CEP128: variants seen among roughly 807,000 people sequenced by gnomAD.
The protein encoded by CEP128 is centrosomal protein 128, also known as centrosomal protein 128kDa.
A neutral mutation model predicts 156.7 loss-of-function variants in CEP128; 132 were observed. That is an observed-to-expected ratio of 0.84 (90% CI 0.73 to 0.97). CEP128 has a LOEUF of 0.97. Ranked by LOEUF, CEP128 falls within the 50% of genes least tolerant of loss-of-function variation. The probability of loss-of-function intolerance (pLI) is 0.00; values close to 1 mark genes in which losing one functional copy is unlikely to be tolerated. For synonymous variants in CEP128, 469 were observed against 448.9 expected, an observed-to-expected ratio of 1.04 and a Z score of -0.57; for missense variants, 1,252 against 1,281.9, an observed-to-expected ratio of 0.98 and a Z score of 0.36.
At chr14:80,778,759 G>A (rs1445316061) in intron 15 of CEP128, among the ~76,000 whole-genome samples, 1 of 151,994 alleles carries the variant, frequency 6.6e-6, no homozygotes, top group Non-Finnish European at 1.5e-5. Context: ...ATTCTATATA[G>A]GAAATTCAGT....
intron 11 of CEP128, among the ~76,000 whole-genome samples, chr14:80,837,527 C>A (rs770092302): frequency 5.9e-5 from 9 of 152,084 alleles, no homozygotes; most frequent in Non-Finnish European, 1.3e-4. Context: ...AACATCCTGG[C>A]CAACATGGTG....
intron 23 of CEP128, among the ~76,000 whole-genome samples, chr14:80,518,300 G>A (rs542467396): frequency 7.9e-5 from 12 of 151,732 alleles, no homozygotes; most frequent in East Asian, 7.8e-4. Flanking sequence ...GTATTTAAAG[G>A]TGGATGCAGT....
intron 9 of CEP128, among the ~76,000 whole-genome samples, chr14:80,859,826 G>A (rs1231815605): frequency 6.6e-6 from 1 of 152,162 alleles, no homozygotes; most frequent in Non-Finnish European, 1.5e-5. Context: ...AAGGACCCGT[G>A]AGATAACAGC....
intron 19 of CEP128, among the ~76,000 whole-genome samples, chr14:80,609,278 T>C (rs951260131): frequency 1.2e-4 from 19 of 152,156 alleles, no homozygotes; most frequent in Non-Finnish European, 7.4e-5. Flanking sequence ...ATTTTTTTTT[T>C]CCAAAAAGTA....
chr14:80,632,987 G>A (rs1239404969), intron 19 of CEP128, among the ~76,000 whole-genome samples: 1 of 152,130 alleles, frequency 6.6e-6, no homozygotes, highest in African/African-American at 2.4e-5. Flanking sequence ...AGTACTTCGG[G>A]AGGCTGGGGT....
At chr14:80,604,967 C>T (rs1892721162) in intron 19 of CEP128, among the ~76,000 whole-genome samples, 1 of 152,000 alleles carries the variant, frequency 6.6e-6, no homozygotes, top group Non-Finnish European at 1.5e-5. Flanking sequence ...CAGTAATACT[C>T]AAGTTTCTGG....
chr14:80,674,423 ACT>A (rs1895981792), intron 19 of CEP128, among the ~76,000 whole-genome samples: 1 of 152,112 alleles, frequency 6.6e-6, no homozygotes, highest in Non-Finnish European at 1.5e-5. Flanking sequence ...CAGTGTTCAA[ACT>A]CTGTGACATA....
At chr14:80,743,030 C>A (rs780902867) in intron 19 of CEP128, 45 bp downstream of exon 19, 10 of 1,565,976 alleles carry the variant, frequency 6.4e-6, no homozygotes, top group Non-Finnish European at 8.8e-6. Flanking sequence ...GATTAGGATT[C>A]CATAAATATA....
chr14:80,789,826 T>A (rs1172417213), intron 14 of CEP128, among the ~76,000 whole-genome samples: 1 of 151,996 alleles, frequency 6.6e-6, no homozygotes, highest in Non-Finnish European at 1.5e-5. Flanking sequence ...TTTTTTTTTT[T>A]AACTAACTAA....
intron 2 of CEP128, among the ~76,000 whole-genome samples, chr14:80,950,915 A>G (rs1243615261): frequency 1.3e-5 from 2 of 151,800 alleles, no homozygotes; most frequent in Admixed American, 6.6e-5. Flanking sequence ...AGAAAAAAAA[A>G]AAAAAAAAAG....
chr14:80,725,557 A>G (rs996303742), intron 19 of CEP128, among the ~76,000 whole-genome samples: 3 of 152,000 alleles, frequency 2.0e-5, no homozygotes, highest in African/African-American at 7.2e-5. Flanking sequence ...AGTTCCCTCT[A>G]TTTCACATTA....
chr14:80,745,945 A>G (rs1360243848), intron 18 of CEP128, among the ~76,000 whole-genome samples: 1 of 151,964 alleles, frequency 6.6e-6, no homozygotes, highest in African/African-American at 2.4e-5. Flanking sequence ...TTATATTTCT[A>G]TATATTAATA....
intron 18 of CEP128, among the ~76,000 whole-genome samples, chr14:80,752,396 T>C (rs968409796): frequency 9.2e-5 from 14 of 152,206 alleles, no homozygotes; most frequent in Admixed American, 8.5e-4. Flanking sequence ...TTCACTAAGT[T>C]ATAAATATAA....
intron 2 of CEP128, chr14:80,955,425 G>A (rs1242575387): frequency 1.8e-6 from 1 of 565,256 alleles, no homozygotes; most frequent in East Asian, 3.0e-5. Flanking sequence ...GGAGCGGACT[G>A]CGTGGGTCCA....
chr14:80,751,341 C>CTATGGAAA (rs1899382612), intron 18 of CEP128, among the ~76,000 whole-genome samples: 1 of 151,982 alleles, frequency 6.6e-6, no homozygotes, highest in South Asian at 2.1e-4. Flanking sequence ...AAATATCAAC[C>CTATGGAAA]TATGGAAATT....
chr14:80,829,780 C>T lies in CEP128; in HGVS notation c.1209+1363G>A, dbSNP rs149248965. 1.4e-3 allele frequency among the ~76,000 whole-genome samples: 208 copies of T among 152,296 alleles called. 1 individual carries two copies. The highest frequency in any genetic ancestry group is 4.0e-3 in the African/African-American group (168 of 41,546). ...CTAACCCAAGAGGACTCAAATTCTT[C>T]CCCTAACCCATAAGAAATTGTAAAA... is the stretch of plus-strand genomic sequence containing the variant. On this transcript the variant is annotated intron_variant, in intron 13 of 24. Transcript: ENST00000555265.
At chr14:80,897,718 G>A (rs1889411360) in intron 7 of CEP128, among the ~76,000 whole-genome samples, 1 of 151,976 alleles carries the variant, frequency 6.6e-6, no homozygotes, top group Admixed American at 6.5e-5. Context: ...TATAATCCTG[G>A]GTCAGGCCAT....
At chr14:80,691,190 C>T (rs759757345) in intron 19 of CEP128, among the ~76,000 whole-genome samples, 1 of 152,160 alleles carries the variant, frequency 6.6e-6, no homozygotes, top group Non-Finnish European at 1.5e-5. Flanking sequence ...ATGTTCCTGG[C>T]CTTTCCAATA....
At chr14:80,532,791 T>C (rs756055833) in intron 21 of CEP128, among the ~76,000 whole-genome samples, 1 of 152,220 alleles carries the variant, frequency 6.6e-6, no homozygotes, top group African/African-American at 2.4e-5. Context: ...AGATGTCTTC[T>C]AGTTTTGACA....
Sources: allele counts gnomAD v4.1 joint callset (sites outside exome capture counted in the v4.1 genomes callset), GRCh38; gene constraint gnomAD v4.1.1; transcripts MANE v1.5; gene names NCBI Gene and HGNC (gene_info 2026-07-23, HGNC 2026-07-21).